The following BIN1 variants were observed in gnomAD, a reference collection of about 807,000 sequenced individuals.
The protein encoded by BIN1 is myc box-dependent-interacting protein 1.
A neutral mutation model predicts 82.0 loss-of-function variants in BIN1; 53 were observed. The observed-to-expected ratio is 0.65, with a 90% CI of 0.52 to 0.81. The LOEUF (loss-of-function observed/expected upper bound fraction) is 0.81, where lower values mean the gene tolerates loss of function less well. Ranked by LOEUF, BIN1 falls within the 40% of genes least tolerant of loss-of-function variation. BIN1 has a pLI of 0.00. For missense variants in BIN1, 642 were observed against 784.4 expected (o/e 0.82, Z 2.17); for synonymous variants, 302 against 328.0 (o/e 0.92, Z 0.86).
intron 2 of BIN1, among the ~76,000 whole-genome samples, chr2:127,073,032 C>G (rs3754606): frequency 2.0e-5 from 3 of 152,366 alleles, no homozygotes; most frequent in East Asian, 1.9e-4. Flanking sequence ...ACCTCCCCCC[C>G]ACAGCAGGGG....
At position 127,057,431 on chromosome 2, in the gene BIN1, G is replaced by T. The variant is rs1167366382; in HGVS notation, c.1131+42C>A. The T allele has an allele frequency of 6.5e-7, 1 of 1,529,108 alleles. No homozygotes were observed. Among genetic ancestry groups the T allele is most frequent in the African/African-American group, 1.4e-5 (1 of 72,746 alleles). The allele number at this position is 1,529,108 out of a possible 1,614,324, so 94.7% of individuals were successfully genotyped here. A position where few individuals can be genotyped will look rare whatever the true frequency, so the allele number is the denominator to read the frequency against. On this transcript the variant is annotated intron_variant, in intron 12 of 18. Transcript: ENST00000316724. This position sits in a 1 kb window ranked among gnomAD's most constrained non-coding sequence, Gnocchi z 5.0. ...TGAAGGCCATGCACGCCCTGAGAGG[G>T]CAGGAAGAGAGGAGAGCTGGGCCGC... is the stretch of plus-strand genomic sequence containing the variant.
Position 127,063,551 on chromosome 2 carries a change from G to A in BIN1, c.774+20C>T. On this transcript the variant is annotated intron_variant, in intron 9 of 18. Coordinates refer to ENST00000316724, the MANE Select transcript of BIN1 (RefSeq NM_139343.3). ...GGCCAGGGTGGGGTGTGGCCCCTCA[G>A]AGGGGTCCCCATGGCCTACCTTGCT... is the stretch of plus-strand genomic sequence containing the variant. 6.2e-7 allele frequency: 1 copy of A among 1,612,496 alleles called. No homozygotes were observed.
At chr2:127,053,528 C>G in intron 13 of BIN1, 83 bp from the exon 14 acceptor site, 7 of 1,546,494 alleles carry the variant, frequency 4.5e-6, no homozygotes, top group Non-Finnish European at 6.2e-6. Context: ...GGACCCTACC[C>G]CCGCTCGCCC....
At position 127,062,701 on chromosome 2, in the gene BIN1, A is replaced by G. The variant is rs117083428; in HGVS notation, c.775-504T>C. On this transcript the variant is annotated intron_variant, in intron 9 of 18. Coordinates refer to ENST00000316724, the MANE Select transcript of BIN1 (RefSeq NM_139343.3). The stretch of plus-strand genomic sequence containing the variant: ...CTAGGGAGCTCAGAGCCGAATCTTC[A>G]TCCTATTTATAAACAACTATGTTCT... 7.9e-4 allele frequency among the ~76,000 whole-genome samples: 121 copies of G among 152,342 alleles called. 3 individuals are homozygous for G. In the East Asian group the frequency reaches 0.02, roughly 26 times the overall value.
chr2:127,053,136 A>G (rs770005895), intron 14 of BIN1: 3 of 524,302 alleles, frequency 5.7e-6, no homozygotes, highest in Non-Finnish European at 1.0e-5. Context: ...GTCTGGAGGC[A>G]AACACTCACA....
intron 1 of BIN1, among the ~76,000 whole-genome samples, chr2:127,091,977 G>A (rs1021567759): frequency 9.2e-5 from 14 of 152,172 alleles, no homozygotes; most frequent in African/African-American, 3.4e-4. Context: ...TGCGGAGGGA[G>A]TCACGTGGCT....
chr2:127,087,706 T>C (rs1678365471), intron 1 of BIN1, among the ~76,000 whole-genome samples: 1 of 152,052 alleles, frequency 6.6e-6, no homozygotes, highest in Non-Finnish European at 1.5e-5. Flanking sequence ...AGGGAGGCGT[T>C]TCACAGTGAG....
In BIN1 at chr2:127,059,584, C is replaced by G. The variant is rs1201955761; in HGVS notation, c.858-429G>C. Among the ~76,000 whole-genome samples the G allele has an allele frequency of 2.0e-5, 3 of 152,138 alleles. No individual in the cohort carries two copies. Among genetic ancestry groups the G allele is most frequent in the African/African-American group, 7.2e-5 (3 of 41,420 alleles). Reference sequence around the variant, plus strand: ...AGTGAGTCTCCCACACCACACGCAGCAGCCCCTCTGTTCTGGGGTCTGCTC... The same window carrying G: ...AGTGAGTCTCCCACACCACACGCAGGAGCCCCTCTGTTCTGGGGTCTGCTC... On this transcript the variant is annotated intron_variant, in intron 10 of 18. Transcript: ENST00000316724. This position sits in a 1 kb window ranked among gnomAD's most constrained non-coding sequence, Gnocchi z 6.7.
chr2:127,092,758 G>A (rs780775217), intron 1 of BIN1, among the ~76,000 whole-genome samples: 7 of 152,162 alleles, frequency 4.6e-5, no homozygotes, highest in South Asian at 2.1e-4. Flanking sequence ...CAAAGCTCCC[G>A]GGGAAGGGCC....
At chr2:127,094,871 C>A (rs1401754988) in intron 1 of BIN1, among the ~76,000 whole-genome samples, 1 of 152,218 alleles carries the variant, frequency 6.6e-6, no homozygotes, top group Non-Finnish European at 1.5e-5. Context: ...GGTGGTGCTG[C>A]CCCGAATGCC....
chr2:127,057,686 C>A lies in BIN1; in HGVS notation c.1003-85G>T. The A allele has an allele frequency of 7.1e-7, 1 of 1,417,144 alleles. No individual in the cohort carries two copies. The highest frequency in any genetic ancestry group is 2.7e-5 in the Admixed American group (1 of 37,028). The allele number at this position is 1,417,144 out of a possible 1,614,324, so 87.8% of individuals were successfully genotyped here. Reference sequence around the variant, plus strand: ...GGGGAGACAGACAGAGACAAAGCCACGGTTAGTCACACCTCAGGCCACAGT... The same window carrying A: ...GGGGAGACAGACAGAGACAAAGCCAAGGTTAGTCACACCTCAGGCCACAGT... On this transcript the variant is annotated intron_variant, in intron 11 of 18. Coordinates refer to ENST00000316724, the MANE Select transcript of BIN1 (RefSeq NM_139343.3). This position sits in a 1 kb window ranked among gnomAD's most constrained non-coding sequence, Gnocchi z 5.0.
chr2:127,094,382 G>C (rs977514232), intron 1 of BIN1, among the ~76,000 whole-genome samples: 6 of 152,304 alleles, frequency 3.9e-5, no homozygotes, highest in African/African-American at 1.4e-4. Flanking sequence ...AGGAACACAG[G>C]CACGATGGGT....
intron 2 of BIN1, among the ~76,000 whole-genome samples, chr2:127,074,832 A>G (rs1407439804): frequency 6.6e-6 from 1 of 152,182 alleles, no homozygotes; most frequent in East Asian, 1.9e-4. Flanking sequence ...CCTCCCGAGT[A>G]GCTAGGACTA....
chr2:127,078,183 T>C (rs572105279), intron 1 of BIN1, among the ~76,000 whole-genome samples: 20 of 151,700 alleles, frequency 1.3e-4, no homozygotes, highest in Admixed American at 8.5e-4. Context: ...CCTGCTGCAC[T>C]TCCCCCCCCA....
chr2:127,055,685 T>G (rs1389852306), intron 12 of BIN1: 3 of 151,960 alleles, frequency 2.0e-5, no homozygotes, highest in Admixed American at 6.6e-5. Flanking sequence ...CGTCATGTGC[T>G]GAGGGGAGGG....
chr2:127,060,483 A>C, intron 10 of BIN1: 1 of 1,506,112 alleles, frequency 6.6e-7, no homozygotes, highest in Non-Finnish European at 9.2e-7. Flanking sequence ...GCAGCACTGC[A>C]CACAGAGCCA....
intron 11 of BIN1, among the ~76,000 whole-genome samples, chr2:127,058,261 C>G (rs916876279): frequency 6.6e-6 from 1 of 152,206 alleles, no homozygotes. Flanking sequence ...ACTCAGTGAA[C>G]GAATACACAG....
In BIN1 at chr2:127,107,119, C is replaced by A; in HGVS notation, c.-176G>T. The A allele has an allele frequency of 1.6e-6, 1 of 636,664 alleles. No individual in the cohort carries two copies. The highest frequency in any genetic ancestry group is 2.0e-5 in the African/African-American group (1 of 51,278). 39.4% of individuals were successfully genotyped at this position (636,664 alleles called of 1,614,324 possible). Reference sequence around the variant, plus strand: ...AGCGTGCGCCGGACGGGCGAGCGAGCCAGCGAGCTAGCCAGCGAGCGACGC... The same window carrying A: ...AGCGTGCGCCGGACGGGCGAGCGAGACAGCGAGCTAGCCAGCGAGCGACGC... On this transcript the variant is annotated 5_prime_UTR_variant, in exon 1 of 19. Coordinates refer to ENST00000316724, the MANE Select transcript of BIN1 (RefSeq NM_139343.3). The surrounding 1 kb of genome is among the most constrained non-coding windows in gnomAD (Gnocchi z 5.9).
chr2:127,053,415 A>G lies in BIN1; in HGVS notation c.1263+7T>C, dbSNP rs767652810. On this transcript the variant is annotated splice_region_variant and intron_variant, in intron 14 of 18. Transcript: ENST00000316724. ...GGGGCTGGACAAAGAGCAGACGTGC[A>G]GCTTACCTCCCAGAGGTCCCATGGA... The G allele has an allele frequency of 4.3e-6, 7 of 1,613,994 alleles. No homozygotes were observed. The highest frequency in any genetic ancestry group is 1.1e-5 in the South Asian group (1 of 91,042).
Sources: allele counts gnomAD v4.1 joint callset (sites outside exome capture counted in the v4.1 genomes callset), GRCh38; gene constraint gnomAD v4.1.1; non-coding constraint Gnocchi (gnomAD v3.1); transcripts MANE v1.5; gene names NCBI Gene and HGNC (gene_info 2026-07-23, HGNC 2026-07-21).